CNTNAP5: variants seen among roughly 807,000 people sequenced by gnomAD.
CNTNAP5 encodes the protein contactin associated protein family member 5.
A neutral mutation model predicts 150.2 loss-of-function variants in CNTNAP5; 72 were observed. That is an observed-to-expected ratio of 0.48 (90% CI 0.40 to 0.58). The LOEUF is 0.58. Among genes scored for constraint, CNTNAP5 ranks in the 20% least tolerant of loss-of-function variants. CNTNAP5 has a pLI of 0.00. For synonymous variants in CNTNAP5, 672 were observed against 619.8 expected (o/e 1.08, Z -1.25); for missense variants, 1,636 against 1,626.2 (o/e 1.01, Z -0.10).
chr2:124,393,635 G>A (rs1365485762), intron 3 of CNTNAP5, among the ~76,000 whole-genome samples: 1 of 152,166 alleles, frequency 6.6e-6, no homozygotes, highest in Non-Finnish European at 1.5e-5. Context: ...GATTCACTCA[G>A]CTGTCCTCAC....
intron 3 of CNTNAP5, among the ~76,000 whole-genome samples, chr2:124,299,339 C>T (rs4299345): frequency 0.67 from 102,003 of 151,946 alleles, 34,523 homozygotes; most frequent in East Asian, 0.88. Context: ...CTCCCTCCTC[C>T]CACCCTCCAC....
At chr2:124,615,017 T>TA (rs1341065419) in intron 12 of CNTNAP5, among the ~76,000 whole-genome samples, 3 of 151,962 alleles carry the variant, frequency 2.0e-5, no homozygotes, top group Admixed American at 2.0e-4. Flanking sequence ...ATGTCTTAAT[T>TA]AAAAAAATAC....
At chr2:124,139,943 G>A (rs948291589) in intron 1 of CNTNAP5, among the ~76,000 whole-genome samples, 5 of 152,166 alleles carry the variant, frequency 3.3e-5, no homozygotes, top group Non-Finnish European at 5.9e-5. Flanking sequence ...CACCGTGCAC[G>A]AGCCGAAGCA....
intron 1 of CNTNAP5, among the ~76,000 whole-genome samples, chr2:124,052,560 A>AAAG (rs1352047908): frequency 6.6e-6 from 1 of 152,226 alleles, no homozygotes; most frequent in Admixed American, 6.5e-5. Flanking sequence ...TTTCCATTCC[A>AAAG]AAGTTCCCAT....
chr2:124,384,197 T>C (rs1690872910), intron 3 of CNTNAP5, among the ~76,000 whole-genome samples: 1 of 152,188 alleles, frequency 6.6e-6, no homozygotes, highest in South Asian at 2.1e-4. Context: ...TGTGACATAA[T>C]GAAGGTCAGA....
intron 13 of CNTNAP5, among the ~76,000 whole-genome samples, chr2:124,719,985 A>G (rs1404194940): frequency 6.6e-6 from 1 of 152,172 alleles, no homozygotes; most frequent in African/African-American, 2.4e-5. Context: ...GAAAGAAAAA[A>G]GTGTGGATAA....
chr2:124,491,132 C>T (rs780249270), intron 7 of CNTNAP5, among the ~76,000 whole-genome samples: 21 of 152,096 alleles, frequency 1.4e-4, no homozygotes, highest in Non-Finnish European at 1.6e-4. Flanking sequence ...CAACCATCAT[C>T]GTCTATGCTG....
intron 11 of CNTNAP5, among the ~76,000 whole-genome samples, chr2:124,576,267 C>G (rs1035455364): frequency 4.6e-5 from 7 of 152,010 alleles, no homozygotes; most frequent in African/African-American, 1.4e-4. Context: ...GAGGAGTTGT[C>G]AAAGTCAGTT....
At chr2:124,882,698 T>C (rs1025753208) in intron 21 of CNTNAP5, among the ~76,000 whole-genome samples, 2 of 152,100 alleles carry the variant, frequency 1.3e-5, no homozygotes, top group Non-Finnish European at 2.9e-5. Context: ...AAGTTCCATA[T>C]GTGTACGTCT....
intron 10 of CNTNAP5, among the ~76,000 whole-genome samples, chr2:124,531,869 C>G (rs745560789): frequency 1.5e-4 from 23 of 152,232 alleles, no homozygotes; most frequent in Admixed American, 2.0e-4. Flanking sequence ...TTGGGCCGAG[C>G]TTGCTTGAGG....
intron 3 of CNTNAP5, among the ~76,000 whole-genome samples, chr2:124,405,571 A>C: frequency 6.6e-6 from 1 of 152,120 alleles, no homozygotes; most frequent in Non-Finnish European, 1.5e-5. Context: ...GGATCACTTA[A>C]CCTCTCCAAA....
chr2:124,104,141 A>G (rs1289358096), intron 1 of CNTNAP5, among the ~76,000 whole-genome samples: 1 of 151,186 alleles, frequency 6.6e-6, no homozygotes, highest in African/African-American at 2.4e-5. Context: ...ACTTTCCTAT[A>G]CAACCAAACT....
At chr2:124,731,925 T>C (rs1297175285) in intron 13 of CNTNAP5, among the ~76,000 whole-genome samples, 1 of 151,784 alleles carries the variant, frequency 6.6e-6, no homozygotes, top group Non-Finnish European at 1.5e-5. Flanking sequence ...GTAAGACAAT[T>C]CAAGAGTTTA....
rs116900358 is a variant in CNTNAP5, at chr2:124,041,777, G to T, written c.82+16045G>T. Among the ~76,000 whole-genome samples the T allele has an allele frequency of 7.9e-5, 12 of 152,222 alleles. No individual in the cohort carries two copies. In the East Asian group the frequency reaches 1.4e-3, roughly 17 times the overall value. On this transcript the variant is annotated intron_variant, in intron 1 of 23. Transcript: ENST00000682447. ...GTCTCCCACAACAGATAATTATGTA[G>T]CTCAAAATGTGAAGATAATCAAGGG...
At chr2:124,215,738 A>G (rs1686141315) in intron 1 of CNTNAP5, among the ~76,000 whole-genome samples, 1 of 149,846 alleles carries the variant, frequency 6.7e-6, no homozygotes, top group African/African-American at 2.4e-5. Flanking sequence ...AAAAAAGAAG[A>G]GAAATTCAAA....
chr2:124,115,542 A>C (rs1390450217), intron 1 of CNTNAP5, among the ~76,000 whole-genome samples: 1 of 152,156 alleles, frequency 6.6e-6, no homozygotes, highest in African/African-American at 2.4e-5. Flanking sequence ...GTAGGAAAAG[A>C]TCAAGGATTC....
chr2:124,039,326 T>C (rs917140836), intron 1 of CNTNAP5, among the ~76,000 whole-genome samples: 1 of 152,166 alleles, frequency 6.6e-6, no homozygotes, highest in African/African-American at 2.4e-5. Context: ...AATGGCAAAA[T>C]AACTACTTAA....
intron 10 of CNTNAP5, among the ~76,000 whole-genome samples, chr2:124,539,726 G>A (rs981518131): frequency 6.6e-6 from 1 of 152,160 alleles, no homozygotes; most frequent in Non-Finnish European, 1.5e-5. Flanking sequence ...GAAATGGATG[G>A]GGTTCTGTGT....
chr2:124,587,268 T>C (rs1361231817), intron 11 of CNTNAP5, among the ~76,000 whole-genome samples: 2 of 152,228 alleles, frequency 1.3e-5, no homozygotes, highest in Non-Finnish European at 2.9e-5. Context: ...CATTATATAC[T>C]GTATTGTGTA....
Sources: allele counts gnomAD v4.1 joint callset (sites outside exome capture counted in the v4.1 genomes callset), GRCh38; gene constraint gnomAD v4.1.1; transcripts MANE v1.5; gene names NCBI Gene and HGNC (gene_info 2026-07-23, HGNC 2026-07-21).